NEBL: variants seen among roughly 807,000 people sequenced by gnomAD.
NEBL encodes the protein LIM and SH3 protein 2.
A neutral mutation model predicts 140.2 loss-of-function variants in NEBL; 122 were observed. The observed-to-expected ratio is 0.87, with a 90% CI of 0.75 to 1.01. The LOEUF (loss-of-function observed/expected upper bound fraction) is 1.01. Among genes scored for constraint, NEBL ranks in the 50% least tolerant of loss-of-function variants. NEBL has a pLI of 0.00. For synonymous variants in NEBL, 436 were observed against 398.9 expected (o/e 1.09, Z -1.11); for missense variants, 1,365 against 1,231.3 (o/e 1.11, Z -1.62).
intron 2 of NEBL, among the ~76,000 whole-genome samples, chr10:21,069,020 C>T (rs1308972970): frequency 2.6e-5 from 4 of 152,210 alleles, no homozygotes; most frequent in Non-Finnish European, 5.9e-5. Context: ...TCCCGAGTAG[C>T]TGGGACTACA....
intron 7 of NEBL, chr10:20,868,330 G>A (rs1844534858): frequency 3.9e-6 from 1 of 258,440 alleles, no homozygotes; most frequent in African/African-American, 2.2e-5. Context: ...GTGTGTGTGT[G>A]TGTGTGTGTG....
chr10:21,189,713 C>T (rs1168230129), intron 3 of NEBL, among the ~76,000 whole-genome samples: 2 of 152,034 alleles, frequency 1.3e-5, no homozygotes, highest in East Asian at 3.9e-4. Context: ...GTGATCTGCC[C>T]ACCTCGGCCC....
chr10:21,173,444 G>T lies in NEBL; in HGVS notation c.69+321C>A, dbSNP rs1841172586. On this transcript the variant is annotated intron_variant, in intron 1 of 6. Coordinates refer to the NEBL transcript ENST00000417816. The surrounding 1 kb of genome is among the most constrained non-coding windows in gnomAD (Gnocchi z 5.7). ...GGAGGTGGAGGGGGCGCGGCTCGCC[G>T]AAGTGCCCCCCTGGGTGCCCAGCCT... is the stretch of plus-strand genomic sequence containing the variant. 4.6e-5 allele frequency among the ~76,000 whole-genome samples: 7 copies of T among 152,000 alleles called. No individual in the cohort carries two copies. The highest frequency in any genetic ancestry group is 4.6e-4 in the Admixed American group (7 of 15,270).
At chr10:20,891,995 T>G (rs1195868016) in intron 2 of NEBL, among the ~76,000 whole-genome samples, 4 of 152,216 alleles carry the variant, frequency 2.6e-5, no homozygotes, top group Non-Finnish European at 4.4e-5. Context: ...AAACAAATCT[T>G]AGGTAAAATA....
rs141044585 is a variant in NEBL, at chr10:20,948,629, C to T, written c.357+13043G>A. Among the ~76,000 whole-genome samples the T allele has an allele frequency of 7.2e-5, 11 of 152,290 alleles. No individual in the cohort carries two copies. In the East Asian group the frequency reaches 2.1e-3, roughly 29 times the overall value. ...AACTGCCAACAGACACACACTCACGCTGGAGGACACAAAAAGGTTCACAGC... is the reference window on the plus strand; with the variant it reads ...AACTGCCAACAGACACACACTCACGTTGGAGGACACAAAAAGGTTCACAGC... On this transcript the variant is annotated intron_variant, in intron 4 of 6. Transcript: ENST00000417816.
At chr10:20,880,548 G>T (rs928407323) in intron 5 of NEBL, among the ~76,000 whole-genome samples, 4 of 152,090 alleles carry the variant, frequency 2.6e-5, no homozygotes, top group Non-Finnish European at 5.9e-5. Flanking sequence ...AGGTCTGAAG[G>T]ATCTACATTT....
chr10:21,034,063 G>A lies in NEBL; in HGVS notation c.165-13862C>T, dbSNP rs1371634217. The stretch of plus-strand genomic sequence containing the variant: ...ACACCTGTAGTCTCAGCTACTAGGG[G>A]GGCTGAGGTGGAAGGATTGCTTGAG... On this transcript the variant is annotated intron_variant, in intron 2 of 6. Transcript: ENST00000417816. Among the ~76,000 whole-genome samples the A allele has an allele frequency of 4.6e-5, 7 of 150,596 alleles. No individual in the cohort carries two copies. The East Asian group carries it at 7.9e-4, about 17-fold the overall frequency.
intron 2 of NEBL, among the ~76,000 whole-genome samples, chr10:21,025,479 C>T (rs1396578198): frequency 8.5e-5 from 13 of 152,122 alleles, no homozygotes; most frequent in Admixed American, 8.5e-4. Flanking sequence ...AAGATGACTT[C>T]AAATTTTTTT....
chr10:20,792,142 GAAAGAA>G (rs1554770699), intron 26 of NEBL, among the ~76,000 whole-genome samples: 1 of 147,198 alleles, frequency 6.8e-6, no homozygotes, highest in Non-Finnish European at 1.5e-5. Context: ...AAAAAAGAAA[GAAAGAA>G]AAAGAAAAAG....
intron 3 of NEBL, among the ~76,000 whole-genome samples, chr10:20,996,362 G>A (rs78069317): frequency 0.025 from 3,771 of 152,240 alleles, 65 homozygotes; most frequent in Non-Finnish European, 0.039. Context: ...TTTCAACACT[G>A]ATCAATGTCA....
chr10:21,189,523 G>T (rs1357559675), intron 3 of NEBL, among the ~76,000 whole-genome samples: 1 of 152,064 alleles, frequency 6.6e-6, no homozygotes, highest in African/African-American at 2.4e-5. Context: ...GGAGTGCAGG[G>T]GCACGATCTC....
chr10:20,829,151 C>T (rs917740239), intron 16 of NEBL, among the ~76,000 whole-genome samples: 5 of 152,026 alleles, frequency 3.3e-5, no homozygotes, highest in Admixed American at 3.3e-4. Flanking sequence ...ATCAGAGCCT[C>T]AACTTAAAAC....
At position 21,214,750 on chromosome 10, in the gene NEBL, T is replaced by TC. The variant is rs553545218; in HGVS notation, n.348+33170_348+33171insG. ...CAGAAAAGTCAGAAAATATATAGTATGTAAAAAGGGAAAAAATGGAAATCA... is the reference window on the plus strand; with the variant it reads ...CAGAAAAGTCAGAAAATATATAGTATCGTAAAAAGGGAAAAAATGGAAATCA... On this transcript the variant is annotated intron_variant and non_coding_transcript_variant, in intron 3 of 8. Coordinates refer to the NEBL transcript ENST00000675702. Among the ~76,000 whole-genome samples the TC allele has an allele frequency of 4.1e-3, 621 of 152,304 alleles. 4 individuals carry two copies. The highest frequency in any genetic ancestry group is 0.01 in the Middle Eastern group (3 of 294).
At chr10:21,213,536 C>A (rs1323812567) in intron 3 of NEBL, among the ~76,000 whole-genome samples, 1 of 152,110 alleles carries the variant, frequency 6.6e-6, no homozygotes, top group Non-Finnish European at 1.5e-5. Flanking sequence ...TTTAAGTAAC[C>A]AGGAGAAGAC....
chr10:21,227,561 C>T (rs1362605874), intron 3 of NEBL, among the ~76,000 whole-genome samples: 1 of 152,212 alleles, frequency 6.6e-6, no homozygotes, highest in African/African-American at 2.4e-5. Context: ...TAAGCCAGTT[C>T]CCCCAGGTCA....
At position 20,945,563 on chromosome 10, in the gene NEBL, C is replaced by T. The variant is rs1835114295; in HGVS notation, c.357+16109G>A. ...AATGCAAAGCCTTCTTATATCCCAG[C>T]ACATAAAGGAACATCTGAGTGAGAT... On this transcript the variant is annotated intron_variant, in intron 4 of 6. Coordinates refer to the NEBL transcript ENST00000417816. Among the ~76,000 whole-genome samples, 3 of 152,266 alleles carry T rather than the reference C, an allele frequency of 2.0e-5. No homozygotes were observed. The South Asian group carries it at 6.2e-4, about 32-fold the overall frequency.
chr10:21,054,148 T>C (rs1477798438), intron 2 of NEBL, among the ~76,000 whole-genome samples: 2 of 152,210 alleles, frequency 1.3e-5, no homozygotes, highest in African/African-American at 2.4e-5. Context: ...TTCAAATAAA[T>C]TTTTTAATGA....
At chr10:21,121,983 G>A (rs1206459303) in intron 2 of NEBL, among the ~76,000 whole-genome samples, 2 of 150,736 alleles carry the variant, frequency 1.3e-5, no homozygotes, top group Non-Finnish European at 1.5e-5. Flanking sequence ...TCAGGCCAAG[G>A]AATGTGGGGA....
intron 4 of NEBL, among the ~76,000 whole-genome samples, chr10:20,928,930 C>A (rs919260167): frequency 6.6e-6 from 1 of 152,160 alleles, no homozygotes; most frequent in Non-Finnish European, 1.5e-5. Context: ...AGCAAAACTT[C>A]TTAAATGATT....
Sources: allele counts gnomAD v4.1 joint callset (sites outside exome capture counted in the v4.1 genomes callset), GRCh38; gene constraint gnomAD v4.1.1; non-coding constraint Gnocchi (gnomAD v3.1); transcripts MANE v1.5; gene names NCBI Gene and HGNC (gene_info 2026-07-23, HGNC 2026-07-21).